JAKMIP1: variants seen among roughly 807,000 people sequenced by gnomAD.
JAKMIP1 encodes the protein janus kinase and microtubule interacting protein 1.
Under a neutral mutation model 113.0 loss-of-function variants are expected in JAKMIP1, and 33 were observed. That is an observed-to-expected ratio of 0.29 (90% CI 0.22 to 0.39). The LOEUF (loss-of-function observed/expected upper bound fraction) is 0.39, where lower values mean the gene tolerates loss of function less well. Among genes scored for constraint, JAKMIP1 ranks in the 10% least tolerant of loss-of-function variants. The pLI is 1.00. For synonymous variants in JAKMIP1, 480 were observed against 459.9 expected (o/e 1.04, Z -0.56); for missense variants, 813 against 1,080.5 (o/e 0.75, Z 3.47).
In JAKMIP1 at chr4:6,140,178, G is replaced by A. The variant is rs563186265; in HGVS notation, c.-147-27181C>T. Among the ~76,000 whole-genome samples the A allele has an allele frequency of 2.0e-5, 3 of 152,046 alleles. No homozygotes were observed. Among genetic ancestry groups the A allele is most frequent in the South Asian group, 2.1e-4 (1 of 4,800 alleles). On this transcript the variant is annotated intron_variant, in intron 1 of 20. Transcript: ENST00000409021. This position sits in a 1 kb window ranked among gnomAD's most constrained non-coding sequence, Gnocchi z 9.4. ...CACACAGGGGAGAAAGGCTGACAGC[G>A]GCAGAAACAATCAATGTTCACGTGG...
rs1325942576 is a variant in JAKMIP1 at position 6,199,244 on chromosome 4, G to A, written c.-148+1009C>T. 1.3e-5 allele frequency among the ~76,000 whole-genome samples: 2 copies of A among 152,262 alleles called. No individual in the cohort carries two copies. The highest frequency in any genetic ancestry group is 2.9e-5 in the Non-Finnish European group (2 of 68,040). ...GTATCGCTGGAGCTCAGAGAGCCGG[G>A]CAGAGGCTGGCGGAGAGCCGAGGCT... is the stretch of plus-strand genomic sequence containing the variant. On this transcript the variant is annotated intron_variant, in intron 1 of 20. Transcript: ENST00000409021. This position sits in a 1 kb window ranked among gnomAD's most constrained non-coding sequence, Gnocchi z 5.6.
chr4:6,087,398 G>A (rs1373847411), intron 3 of JAKMIP1, among the ~76,000 whole-genome samples: 1 of 152,184 alleles, frequency 6.6e-6, no homozygotes, highest in Non-Finnish European at 1.5e-5. Context: ...GAGCAACCAT[G>A]AGAAGAATTT....
chr4:6,057,665 T>C (rs1716669170), intron 11 of JAKMIP1, among the ~76,000 whole-genome samples: 1 of 152,198 alleles, frequency 6.6e-6, no homozygotes, highest in African/African-American at 2.4e-5. Context: ...CAAAAATGGC[T>C]GCAACACTCC....
At position 6,088,684 on chromosome 4, in the gene JAKMIP1, C is replaced by T. The variant is rs1001020388; in HGVS notation, c.625-3055G>A. ...GCCCCAGAGGTTAAGACACTGGCCA[C>T]GCTCACGTAGCAAGAGGCAGGCACA... On this transcript the variant is annotated intron_variant, in intron 3 of 20. Transcript: ENST00000409021. This position sits in a 1 kb window ranked among gnomAD's most constrained non-coding sequence, Gnocchi z 5.5. Among the ~76,000 whole-genome samples the T allele has an allele frequency of 1.3e-5, 2 of 152,174 alleles. No individual in the cohort carries two copies. Among genetic ancestry groups the T allele is most frequent in the Admixed American group, 6.5e-5 (1 of 15,284 alleles).
chr4:6,092,547 G>A (rs978754364), intron 3 of JAKMIP1, among the ~76,000 whole-genome samples: 1 of 152,214 alleles, frequency 6.6e-6, no homozygotes, highest in African/African-American at 2.4e-5. Flanking sequence ...GCCCAGCTAT[G>A]AAAGTCTATA....
intron 3 of JAKMIP1, among the ~76,000 whole-genome samples, chr4:6,100,978 C>T (rs1486117349): frequency 6.6e-6 from 1 of 152,012 alleles, no homozygotes; most frequent in African/African-American, 2.4e-5. Flanking sequence ...TTGAACATGT[C>T]TTCTCTCAGT....
At chr4:6,119,469 G>A (rs1282108216) in intron 1 of JAKMIP1, among the ~76,000 whole-genome samples, 8 of 152,218 alleles carry the variant, frequency 5.3e-5, no homozygotes, top group East Asian at 1.9e-4. Context: ...GCTTGAACCC[G>A]GGAGGTGGAG....
intron 13 of JAKMIP1, among the ~76,000 whole-genome samples, chr4:6,053,398 A>G (rs1715928809): frequency 6.6e-6 from 1 of 152,220 alleles, no homozygotes; most frequent in South Asian, 2.1e-4. Flanking sequence ...TTAGTCCAAT[A>G]TTGCTGCAAT....
At position 6,181,926 on chromosome 4, in the gene JAKMIP1, A is replaced by G. The variant is rs1004544234; in HGVS notation, c.-148+18327T>C. ...GGCCTTGGGAGGATGGGTGATGCCC[A>G]AGGAGATGAGCCTGTGCAGACAGGA... On this transcript the variant is annotated intron_variant, in intron 1 of 20. Coordinates refer to ENST00000409021, the MANE Select transcript of JAKMIP1 (RefSeq NM_001099433.2). The surrounding 1 kb of genome is among the most constrained non-coding windows in gnomAD (Gnocchi z 5.4). 6.6e-6 allele frequency among the ~76,000 whole-genome samples: 1 copy of G among 152,078 alleles called. No homozygotes were observed. The highest frequency in any genetic ancestry group is 1.5e-5 in the Non-Finnish European group (1 of 68,002).
At chr4:6,072,843 C>G (rs1283284418) in intron 8 of JAKMIP1, among the ~76,000 whole-genome samples, 1 of 152,046 alleles carries the variant, frequency 6.6e-6, no homozygotes, top group Non-Finnish European at 1.5e-5. Flanking sequence ...CTTTGGGAGG[C>G]CGAGGCAGGC....
intron 1 of JAKMIP1, among the ~76,000 whole-genome samples, chr4:6,134,447 C>T (rs1444379098): frequency 1.3e-5 from 2 of 152,062 alleles, no homozygotes; most frequent in Admixed American, 6.5e-5. Context: ...TGCCCCTCCC[C>T]GTCTTTTCCA....
chr4:6,087,659 T>A (rs1377737074), intron 3 of JAKMIP1, among the ~76,000 whole-genome samples: 2 of 152,184 alleles, frequency 1.3e-5, no homozygotes. Flanking sequence ...AAAATAATCC[T>A]AATTGACATA....
rs1722509488 is a variant in JAKMIP1 at position 6,094,304 on chromosome 4, G to A, written c.625-8675C>T. ...ATAGCCTCTCTTCCGTAATTTTCTGGCAAAAAAAGAAAGAAAACACTCTCC... is the reference window on the plus strand; with the variant it reads ...ATAGCCTCTCTTCCGTAATTTTCTGACAAAAAAAGAAAGAAAACACTCTCC... On this transcript the variant is annotated intron_variant, in intron 3 of 20. Transcript: ENST00000409021. The surrounding 1 kb of genome is among the most constrained non-coding windows in gnomAD (Gnocchi z 4.2). 6.6e-6 allele frequency among the ~76,000 whole-genome samples: 1 copy of A among 152,110 alleles called. No individual in the cohort carries two copies. The highest frequency in any genetic ancestry group is 2.4e-5 in the African/African-American group (1 of 41,416).
chr4:6,173,850 C>T (rs1476433138), intron 1 of JAKMIP1, among the ~76,000 whole-genome samples: 5 of 152,174 alleles, frequency 3.3e-5, no homozygotes, highest in South Asian at 2.1e-4. Flanking sequence ...CCAAGGCGGG[C>T]GGATCGCTCG....
chr4:6,087,084 C>A (rs1286400858), intron 3 of JAKMIP1, among the ~76,000 whole-genome samples: 1 of 152,230 alleles, frequency 6.6e-6, no homozygotes, highest in African/African-American at 2.4e-5. Context: ...GAAACAGATG[C>A]AAAGGCTCCT....
At chr4:6,092,621 T>C (rs538046369) in intron 3 of JAKMIP1, among the ~76,000 whole-genome samples, 2 of 152,246 alleles carry the variant, frequency 1.3e-5, no homozygotes, top group African/African-American at 4.8e-5. Flanking sequence ...AAGCTCTCAG[T>C]GCACAGCATA....
chr4:6,072,806 G>C (rs1719155553), intron 8 of JAKMIP1, among the ~76,000 whole-genome samples: 1 of 152,146 alleles, frequency 6.6e-6, no homozygotes, highest in African/African-American at 2.4e-5. Flanking sequence ...AATGAAAAAT[G>C]CATGCACATG....
At chr4:6,036,946 C>T (rs6446437) in intron 18 of JAKMIP1, among the ~76,000 whole-genome samples, 19,913 of 123,770 alleles carry the variant, frequency 0.16, 1,568 homozygotes, top group African/African-American at 0.42. Flanking sequence ...AGAGGCTAAC[C>T]GGTATCCCTC....
At chr4:6,173,165 G>T (rs1432797470) in intron 1 of JAKMIP1, among the ~76,000 whole-genome samples, 1 of 152,206 alleles carries the variant, frequency 6.6e-6, no homozygotes, top group Non-Finnish European at 1.5e-5. Context: ...CCATACAGGG[G>T]GTAGAATCTG....
Sources: allele counts gnomAD v4.1 joint callset (sites outside exome capture counted in the v4.1 genomes callset), GRCh38; gene constraint gnomAD v4.1.1; non-coding constraint Gnocchi (gnomAD v3.1); transcripts MANE v1.5; gene names NCBI Gene and HGNC (gene_info 2026-07-23, HGNC 2026-07-21).